Variants in ZPBP observed in about 807,000 individuals in gnomAD.
The protein encoded by ZPBP is zona pellucida binding protein.
In ZPBP, 26 loss-of-function variants were observed where a neutral mutation model predicts 44.8. That is an observed-to-expected ratio of 0.58 (90% confidence interval 0.43 to 0.81). ZPBP has a LOEUF of 0.81. Ranked by LOEUF, ZPBP falls within the 30% of genes least tolerant of loss-of-function variation. The probability of loss-of-function intolerance (pLI) is 0.00; values close to 1 mark genes in which losing one functional copy is unlikely to be tolerated. For synonymous variants in ZPBP, 174 were observed against 153.2 expected (o/e 1.14, Z -1.00); for missense variants, 409 against 434.0 (o/e 0.94, Z 0.51).
At chr7:49,958,218 C>T (rs1795694867) in intron 7 of ZPBP, among the ~76,000 whole-genome samples, 1 of 152,130 alleles carries the variant, frequency 6.6e-6, no homozygotes, top group South Asian at 2.1e-4. Context: ...CGCCCACATA[C>T]ATCTGATTTA....
intron 1 of ZPBP, among the ~76,000 whole-genome samples, chr7:49,908,272 C>T (rs921171801): frequency 6.6e-6 from 1 of 152,088 alleles, no homozygotes; most frequent in South Asian, 2.1e-4. Context: ...ATGTCCAACG[C>T]CTACATTTCA....
intron 4 of ZPBP, among the ~76,000 whole-genome samples, chr7:50,046,779 G>A (rs761903304): frequency 6.6e-6 from 1 of 152,124 alleles, no homozygotes; most frequent in Non-Finnish European, 1.5e-5. Flanking sequence ...ATTTGACCCA[G>A]CAATCCCATT....
At chr7:50,089,147 G>A (rs1802817025) in intron 2 of ZPBP, among the ~76,000 whole-genome samples, 1 of 151,982 alleles carries the variant, frequency 6.6e-6, no homozygotes, top group African/African-American at 2.4e-5. Context: ...AAATTACATA[G>A]GGGCAATGGT....
At chr7:49,909,747 C>T (rs78121070) in intron 1 of ZPBP, among the ~76,000 whole-genome samples, 6,778 of 152,126 alleles carry the variant, frequency 0.045, 151 homozygotes, top group Middle Eastern at 0.061. Flanking sequence ...GTTGGGTTCT[C>T]TGAAAGAGAA....
chr7:49,982,397 A>G lies in ZPBP; in HGVS notation c.961+945T>C, dbSNP rs1583977149. Among the ~76,000 whole-genome samples the G allele has an allele frequency of 5.1e-5, 7 of 136,634 alleles. No homozygotes were observed. In the South Asian group the frequency reaches 1.5e-3, roughly 30 times the overall value. The allele number at this position is 136,634 out of a possible 152,430, so 89.6% of individuals were successfully genotyped here. A position where few individuals can be genotyped will look rare whatever the true frequency, so the allele number is the denominator to read the frequency against. The stretch of plus-strand genomic sequence containing the variant: ...CATAATATATATAATCACTGATTTT[A>G]AAAAGTTACAAAGTTAACAGTTGGA... On this transcript the variant is annotated intron_variant, in intron 7 of 7. Coordinates refer to ENST00000046087, the MANE Select transcript of ZPBP (RefSeq NM_007009.3).
chr7:50,044,169 T>G (rs1428749557), intron 4 of ZPBP, among the ~76,000 whole-genome samples: 1 of 152,068 alleles, frequency 6.6e-6, no homozygotes, highest in Non-Finnish European at 1.5e-5. Flanking sequence ...AAAGCAGTGT[T>G]TAGAGGGAAA....
At chr7:49,922,411 T>G (rs1562777978) in intron 1 of ZPBP, among the ~76,000 whole-genome samples, 2 of 152,214 alleles carry the variant, frequency 1.3e-5, no homozygotes, top group Non-Finnish European at 2.9e-5. Context: ...GTATTTTTTC[T>G]TAAGGCTACG....
intron 1 of ZPBP, among the ~76,000 whole-genome samples, chr7:49,932,307 G>A (rs1794476046): frequency 6.6e-6 from 1 of 152,240 alleles, no homozygotes; most frequent in African/African-American, 2.4e-5. Context: ...TGTGAAAGCA[G>A]CCAGAAGGGA....
At chr7:49,999,573 G>A (rs1294832158) in intron 6 of ZPBP, among the ~76,000 whole-genome samples, 1 of 152,144 alleles carries the variant, frequency 6.6e-6, no homozygotes, top group Non-Finnish European at 1.5e-5. Context: ...TCCAGTCCAA[G>A]TCCAAAGGTC....
At chr7:49,874,463 C>T (rs1791310683) in intron 2 of ZPBP, among the ~76,000 whole-genome samples, 1 of 151,902 alleles carries the variant, frequency 6.6e-6, no homozygotes. Context: ...GCAAGTGCAC[C>T]CTCTGATGTT....
At chr7:50,028,317 T>C (rs149152123) in intron 5 of ZPBP, among the ~76,000 whole-genome samples, 29 of 151,922 alleles carry the variant, frequency 1.9e-4, no homozygotes, top group African/African-American at 6.8e-4. Flanking sequence ...TCATTTCATA[T>C]AAAAGTAGTA....
At chr7:49,921,874 T>C (rs1350536039) in intron 1 of ZPBP, 1 of 152,148 alleles carries the variant, frequency 6.6e-6, no homozygotes, top group Non-Finnish European at 1.5e-5. Context: ...TTTAAATAAT[T>C]AGGCCGAATT....
intron 7 of ZPBP, among the ~76,000 whole-genome samples, chr7:49,955,999 G>A (rs1259406585): frequency 1.3e-5 from 2 of 152,124 alleles, no homozygotes; most frequent in Non-Finnish European, 2.9e-5. Flanking sequence ...TTATCATTTT[G>A]TTGTTATGGT....
At chr7:50,040,047 T>A (rs1364377422) in intron 4 of ZPBP, among the ~76,000 whole-genome samples, 2 of 152,276 alleles carry the variant, frequency 1.3e-5, no homozygotes, top group East Asian at 3.9e-4. Context: ...ATTCATTTAA[T>A]TCAACAGAAT....
chr7:49,921,041 A>C (rs1793994833), intron 1 of ZPBP: 1 of 152,262 alleles, frequency 6.6e-6, no homozygotes. Context: ...TTATTAAACA[A>C]CATCAATTTT....
intron 4 of ZPBP, among the ~76,000 whole-genome samples, chr7:50,032,321 G>C (rs60724988): frequency 6.6e-6 from 1 of 152,064 alleles, no homozygotes; most frequent in African/African-American, 2.4e-5. Context: ...ATATCACATA[G>C]AATAACTGAA....
At chr7:49,926,650 C>T (rs1359090704) in intron 1 of ZPBP, among the ~76,000 whole-genome samples, 1 of 152,250 alleles carries the variant, frequency 6.6e-6, no homozygotes, top group African/African-American at 2.4e-5. Context: ...CAGACCACTT[C>T]TGGCTCCTGG....
intron 2 of ZPBP, among the ~76,000 whole-genome samples, chr7:49,881,029 T>G (rs1012347289): frequency 6.6e-6 from 1 of 152,190 alleles, no homozygotes; most frequent in Non-Finnish European, 1.5e-5. Context: ...GTTTCATCCT[T>G]TCTTGGGTCC....
chr7:50,081,859 C>T lies in ZPBP; in HGVS notation c.249G>A (p.Val83=), dbSNP rs774617665. 6 of 1,611,258 alleles carry T rather than the reference C, an allele frequency of 3.7e-6. No individual in the cohort carries two copies. In the South Asian group the frequency reaches 5.5e-5, roughly 15 times the overall value. The change falls in exon 3 of 8, where the codon GTG becomes GTA. Residue 83 remains valine, a synonymous_variant. Transcript: ENST00000046087. ...YVMLHQKSPH[V]LCVTQQLRNA... ...TTCGCAGTTGTTGCGTTACACATAA[C>T]ACGTGTGGACTCTTTTGATGGAGCA...
Sources: allele counts gnomAD v4.1 joint callset (sites outside exome capture counted in the v4.1 genomes callset), GRCh38; gene constraint gnomAD v4.1.1; transcripts MANE v1.5; gene names NCBI Gene and HGNC (gene_info 2026-07-23, HGNC 2026-07-21).